The following PALLD variants were observed in gnomAD, a reference collection of about 807,000 sequenced individuals.
The protein encoded by PALLD is palladin.
In PALLD, 61 loss-of-function variants were observed where a neutral mutation model predicts 123.5. The observed-to-expected ratio is 0.49, with a 90% CI of 0.40 to 0.61. PALLD has a LOEUF of 0.61. Ranked by LOEUF, PALLD falls within the 20% of genes least tolerant of loss-of-function variation. PALLD has a pLI of 0.00. For missense variants in PALLD, 1,273 were observed against 1,377.0 expected, an observed-to-expected ratio of 0.92 and a Z score of 1.20; for synonymous variants, 465 against 496.4, an observed-to-expected ratio of 0.94 and a Z score of 0.84.
intron 11 of PALLD, among the ~76,000 whole-genome samples, chr4:168,893,880 A>G (rs528454653): frequency 4.6e-5 from 7 of 152,326 alleles, no homozygotes; most frequent in East Asian, 1.9e-4. Context: ...GGTCAAGTCA[A>G]TTGAGGCTGT....
At chr4:168,822,439 G>C (rs1273220096) in intron 10 of PALLD, among the ~76,000 whole-genome samples, 1 of 152,148 alleles carries the variant, frequency 6.6e-6, no homozygotes, top group Non-Finnish European at 1.5e-5. Context: ...GGGAGAGGTG[G>C]CTGTGTAAAG....
chr4:168,763,651 G>A (rs1733259353), intron 10 of PALLD, among the ~76,000 whole-genome samples: 1 of 152,194 alleles, frequency 6.6e-6, no homozygotes, highest in Non-Finnish European at 1.5e-5. Flanking sequence ...GGTGGGACAA[G>A]CTGACTTCTA....
intron 10 of PALLD, among the ~76,000 whole-genome samples, chr4:168,793,748 A>G (rs761694884): frequency 3.8e-4 from 58 of 152,188 alleles, no homozygotes; most frequent in Non-Finnish European, 7.3e-4. Context: ...TCCCTCCCAC[A>G]GTCGTTATCT....
At chr4:168,759,881 C>A (rs1732578707) in intron 10 of PALLD, among the ~76,000 whole-genome samples, 1 of 151,952 alleles carries the variant, frequency 6.6e-6, no homozygotes, top group African/African-American at 2.4e-5. Context: ...TGGTGAAACC[C>A]CATCTTTACT....
chr4:168,786,147 G>GTT, intron 10 of PALLD, among the ~76,000 whole-genome samples: 1 of 151,852 alleles, frequency 6.6e-6, no homozygotes, highest in African/African-American at 2.4e-5. Flanking sequence ...GGCCAACATG[G>GTT]TGAAACCCCG....
chr4:168,876,972 C>G (rs1751830830), intron 10 of PALLD, among the ~76,000 whole-genome samples: 1 of 152,154 alleles, frequency 6.6e-6, no homozygotes, highest in Non-Finnish European at 1.5e-5. Flanking sequence ...TGAACTATCT[C>G]TTCTCAATGG....
At position 168,775,103 on chromosome 4, in the gene PALLD, A is replaced by G. The variant is rs138015193; in HGVS notation, c.1964+63180A>G. Among the ~76,000 whole-genome samples the G allele has an allele frequency of 1.9e-4, 29 of 152,114 alleles. No homozygotes were observed. In the East Asian group the frequency reaches 5.6e-3, roughly 29 times the overall value. On this transcript the variant is annotated intron_variant, in intron 10 of 21. Coordinates refer to ENST00000505667, the MANE Select transcript of PALLD (RefSeq NM_001166108.2). ...GTTGTTGATATTTACATCATTTTCAATTTTTTACTATTGGGCTTTTTTCCA... is the reference window on the plus strand; with the variant it reads ...GTTGTTGATATTTACATCATTTTCAGTTTTTTACTATTGGGCTTTTTTCCA...
intron 10 of PALLD, among the ~76,000 whole-genome samples, chr4:168,769,904 T>C (rs1734167128): frequency 6.6e-6 from 1 of 152,224 alleles, no homozygotes; most frequent in South Asian, 2.1e-4. Context: ...GCTATTAAAA[T>C]ATTTCATCTC....
At chr4:168,708,758 T>C (rs1246539609) in intron 8 of PALLD, among the ~76,000 whole-genome samples, 2 of 152,170 alleles carry the variant, frequency 1.3e-5, no homozygotes, top group East Asian at 1.9e-4. Flanking sequence ...AGATAACCCA[T>C]TGGGTATGTA....
intron 2 of PALLD, among the ~76,000 whole-genome samples, chr4:168,569,334 T>C (rs752088996): frequency 1.3e-5 from 2 of 152,144 alleles, no homozygotes; most frequent in Non-Finnish European, 2.9e-5. Context: ...GTAGTGTTAG[T>C]GTGAACAACC....
chr4:168,517,175 T>C (rs1401674400), intron 2 of PALLD, among the ~76,000 whole-genome samples: 1 of 152,194 alleles, frequency 6.6e-6, no homozygotes, highest in Non-Finnish European at 1.5e-5. Context: ...AATAAAGTTA[T>C]TATTCAGAAA....
intron 10 of PALLD, among the ~76,000 whole-genome samples, chr4:168,722,690 A>G (rs1260575015): frequency 6.6e-6 from 1 of 152,212 alleles, no homozygotes; most frequent in Non-Finnish European, 1.5e-5. Context: ...ACCCACATTC[A>G]ATTCAGTGAG....
At chr4:168,634,887 TGAGCGAA>T (rs1207070980) in intron 2 of PALLD, among the ~76,000 whole-genome samples, 1 of 152,226 alleles carries the variant, frequency 6.6e-6, no homozygotes, top group Admixed American at 6.5e-5. Flanking sequence ...TTTATTGCTC[TGAGCGAA>T]GAGCTGTACT....
Position 168,511,541 on chromosome 4 carries a change from T to C in PALLD, c.37T>C (p.Ser13Pro). ...GTSSHESFYD[S>P]LSDMQEESKN... is the part of the protein sequence containing the mutation. The stretch of plus-strand genomic sequence containing the variant: ...CTCCTCCCATGAGTCCTTCTATGAC[T>C]CCCTCTCAGACATGCAGGAAGAAAG... The change falls in exon 2 of 22, where the codon TCC (serine) becomes CCC (proline). Residue 13 changes from serine to proline, a missense_variant. Transcript: ENST00000505667. The C allele has an allele frequency of 1.1e-5, 17 of 1,614,030 alleles. No individual in the cohort carries two copies. The highest frequency in any genetic ancestry group is 1.4e-5 in the Non-Finnish European group (17 of 1,179,938).
intron 10 of PALLD, among the ~76,000 whole-genome samples, chr4:168,778,371 C>T (rs1306502274): frequency 5.9e-5 from 9 of 152,122 alleles, no homozygotes; most frequent in Admixed American, 5.2e-4. Context: ...TGGTTTAAGA[C>T]AGATAGATGA....
At chr4:168,738,223 C>T (rs910728267) in intron 10 of PALLD, among the ~76,000 whole-genome samples, 3 of 151,876 alleles carry the variant, frequency 2.0e-5, no homozygotes, top group Non-Finnish European at 2.9e-5. Flanking sequence ...AGATTTCATT[C>T]GCAGAAGACA....
intron 10 of PALLD, among the ~76,000 whole-genome samples, chr4:168,850,523 CTTTTTTT>C (rs767777801): frequency 2.3e-4 from 8 of 34,710 alleles, no homozygotes; most frequent in South Asian, 3.8e-3. Context: ...TCTGTCATTT[CTTTTTTT>C]TTTTTTTTTT....
intron 2 of PALLD, among the ~76,000 whole-genome samples, chr4:168,658,967 T>G (rs1778871459): frequency 6.6e-6 from 1 of 152,228 alleles, no homozygotes; most frequent in Admixed American, 6.5e-5. Flanking sequence ...CATAGTAAAT[T>G]TAGACAACGA....
chr4:168,576,341 C>T (rs533596272), intron 2 of PALLD, among the ~76,000 whole-genome samples: 15 of 152,072 alleles, frequency 9.9e-5, no homozygotes, highest in Non-Finnish European at 1.9e-4. Context: ...CCCAGTAACT[C>T]GTCATTTAAC....
Sources: gnomAD v4.1 joint callset for allele counts (sites outside exome capture counted in the v4.1 genomes callset) on GRCh38, gnomAD v4.1.1 for gene constraint, MANE v1.5 for transcripts, NCBI Gene and HGNC (gene_info 2026-07-23, HGNC 2026-07-21) for gene names.